SNX30: variants seen among roughly 807,000 people sequenced by gnomAD.
SNX30 encodes sorting nexin-30.
In SNX30, 24 loss-of-function variants were observed where a neutral mutation model predicts 46.4. The ratio of observed to expected loss-of-function variants is 0.52; its 90% CI spans 0.37 to 0.73. The LOEUF (loss-of-function observed/expected upper bound fraction) is 0.73. Ranked by LOEUF, SNX30 falls within the 30% of genes least tolerant of loss-of-function variation. The pLI, the probability that SNX30 is intolerant of heterozygous loss-of-function variation, is 0.00. For missense variants in SNX30, 533 were observed against 555.7 expected, an observed-to-expected ratio of 0.96 and a Z score of 0.41; for synonymous variants, 189 against 211.5, an observed-to-expected ratio of 0.89 and a Z score of 0.92.
At chr9:112,876,252 G>A (rs754615240), downstream of SNX30, among the ~76,000 whole-genome samples, 2 of 152,130 alleles carry the variant, frequency 1.3e-5, no homozygotes, top group Non-Finnish European at 1.5e-5. Flanking sequence ...AGAATGGACC[G>A]GAGATGACTG....
In SNX30 at chr9:112,809,951, G is replaced by A. The variant is rs1027676095; in HGVS notation, c.348+4984G>A. 5.3e-5 allele frequency among the ~76,000 whole-genome samples: 8 copies of A among 152,162 alleles called. No homozygotes were observed. In the Middle Eastern group the frequency reaches 0.01, roughly 194 times the overall value. ...TTGCGCAGTATTGGTAGAGAAGAAG[G>A]CATTAGGTTGAAGATTGGAGAGTAG... On this transcript the variant is annotated intron_variant, in intron 2 of 8. Transcript: ENST00000374232.
At chr9:112,829,122 G>A (rs1342693407) in intron 3 of SNX30, among the ~76,000 whole-genome samples, 1 of 152,142 alleles carries the variant, frequency 6.6e-6, no homozygotes, top group East Asian at 1.9e-4. Flanking sequence ...CCATTGCATG[G>A]ATATGCCGCA....
At chr9:112,771,793 CA>C (rs1839653630) in intron 1 of SNX30, among the ~76,000 whole-genome samples, 1 of 152,128 alleles carries the variant, frequency 6.6e-6, no homozygotes. Flanking sequence ...CTCAAAACCC[CA>C]AAGAGATAAG....
intron 4 of SNX30, among the ~76,000 whole-genome samples, chr9:112,832,766 TAAAGTA>T (rs1840686375): frequency 6.8e-6 from 1 of 147,412 alleles, no homozygotes; most frequent in African/African-American, 2.5e-5. Context: ...CCCTAAAACT[TAAAGTA>T]TAATAATAAA....
intron 2 of SNX30, among the ~76,000 whole-genome samples, chr9:112,811,046 A>G (rs371276584): frequency 7.2e-5 from 11 of 152,262 alleles, no homozygotes; most frequent in African/African-American, 2.6e-4. Context: ...GAATGGGCAG[A>G]AGAACGACAA....
chr9:112,831,139 TAAAA>T, intron 4 of SNX30, among the ~76,000 whole-genome samples: 1 of 119,154 alleles, frequency 8.4e-6, no homozygotes, highest in East Asian at 2.4e-4. Context: ...CCTATCTCTT[TAAAA>T]AAAAAAAAAA....
At chr9:112,805,321 T>C (rs1035361585) in intron 2 of SNX30, among the ~76,000 whole-genome samples, 10 of 152,112 alleles carry the variant, frequency 6.6e-5, no homozygotes, top group African/African-American at 2.4e-4. Flanking sequence ...GATGAGACCA[T>C]GAATAAAATT....
chr9:112,775,207 G>A (rs1193643585), intron 1 of SNX30, among the ~76,000 whole-genome samples: 4 of 144,688 alleles, frequency 2.8e-5, no homozygotes, highest in Non-Finnish European at 6.0e-5. Context: ...CCAGGCTGGA[G>A]TGCAATGGTG....
At chr9:112,836,179 T>C in intron 4 of SNX30, 35 bp from the exon 5 acceptor site, 1 of 1,549,868 alleles carries the variant, frequency 6.5e-7, no homozygotes, top group Non-Finnish European at 8.8e-7. Context: ...TGTGAGTGAG[T>C]GAGTGCTTTG....
chr9:112,751,276 C>G, intron 1 of SNX30, 119 bp downstream of exon 1: 1 of 1,203,708 alleles, frequency 8.3e-7, no homozygotes, highest in Non-Finnish European at 1.1e-6. Flanking sequence ...TCCCGGGGGA[C>G]GGGCGTGTCC....
chr9:112,789,997 CA>C (rs1257279391), intron 1 of SNX30, among the ~76,000 whole-genome samples: 2 of 152,148 alleles, frequency 1.3e-5, no homozygotes, highest in African/African-American at 4.8e-5. Flanking sequence ...TAAAACTGTT[CA>C]GGGGGGATAC....
intron 1 of SNX30, among the ~76,000 whole-genome samples, chr9:112,785,383 G>GTT (rs5900016): frequency 8.0e-6 from 1 of 124,858 alleles, no homozygotes; most frequent in African/African-American, 2.9e-5. Flanking sequence ...GCCTGGCTAA[G>GTT]TTTTTTTTTT....
chr9:112,806,983 T>A (rs774334602), intron 2 of SNX30, among the ~76,000 whole-genome samples: 5 of 151,812 alleles, frequency 3.3e-5, no homozygotes, highest in Non-Finnish European at 7.4e-5. Context: ...AATAATTATA[T>A]CTTTTCTCTA....
Position 112,868,648 on chromosome 9 carries a change from G to T in SNX30, c.1255-136G>T, listed in dbSNP as rs1841398870. 1.2e-5 allele frequency: 10 copies of T among 824,394 alleles called. No individual in the cohort carries two copies. In the South Asian group the frequency reaches 1.5e-4, roughly 12 times the overall value. The allele number at this position is 824,394 out of a possible 1,614,324, so 51.1% of individuals were successfully genotyped here. On this transcript the variant is annotated intron_variant, in intron 8 of 8. Transcript: ENST00000374232. ...TACCTCCCCGTTTGTAATAGTTATG[G>T]ATGACACATGCAGGCATCATTAGAC...
intron 1 of SNX30, among the ~76,000 whole-genome samples, chr9:112,774,002 A>G (rs181985563): frequency 3.3e-5 from 5 of 152,370 alleles, no homozygotes; most frequent in Admixed American, 2.0e-4. Context: ...TTCAGAAGAA[A>G]GGTTTATTTC....
intron 4 of SNX30, among the ~76,000 whole-genome samples, chr9:112,835,791 C>T (rs1371855841): frequency 6.6e-6 from 1 of 152,152 alleles, no homozygotes; most frequent in East Asian, 1.9e-4. Flanking sequence ...CCTTTACTCC[C>T]CTTATATGGC....
intron 1 of SNX30, among the ~76,000 whole-genome samples, chr9:112,790,140 A>G (rs1485322674): frequency 6.6e-6 from 1 of 152,188 alleles, no homozygotes; most frequent in Non-Finnish European, 1.5e-5. Context: ...CTTCCTACTA[A>G]TAAGCAAGTA....
chr9:112,855,570 G>A (rs1048512966), intron 7 of SNX30, among the ~76,000 whole-genome samples: 19 of 152,168 alleles, frequency 1.2e-4, no homozygotes, highest in Admixed American at 1.2e-3. Flanking sequence ...ATTTCAACGT[G>A]GGGTGATCCT....
chr9:112,750,736 G>A (rs1236321182), upstream of SNX30: 1 of 150,588 alleles, frequency 6.6e-6, no homozygotes, highest in Non-Finnish European at 1.5e-5. Flanking sequence ...CGGGTGGGCG[G>A]TGTGGCTGTG....
Sources: allele counts gnomAD v4.1 joint callset (sites outside exome capture counted in the v4.1 genomes callset), GRCh38; gene constraint gnomAD v4.1.1; transcripts MANE v1.5; gene names NCBI Gene and HGNC (gene_info 2026-07-23, HGNC 2026-07-21).